The following ABR variants were observed in gnomAD, a reference collection of about 807,000 sequenced individuals.
ABR encodes active breakpoint cluster region-related protein.
Under a neutral mutation model 107.2 loss-of-function variants are expected in ABR, and 35 were observed. The observed-to-expected ratio is 0.33, with a 90% CI of 0.25 to 0.43. The LOEUF (loss-of-function observed/expected upper bound fraction) is 0.43. Ranked by LOEUF, ABR falls within the 20% of genes least tolerant of loss-of-function variation. The pLI is 1.00. For synonymous variants in ABR, 498 were observed against 462.0 expected (o/e 1.08, Z -1.00); for missense variants, 815 against 1,115.2 (o/e 0.73, Z 3.83).
rs1259586571 is a variant in ABR, at chr17:1,092,361, AGG to A, written c.346-513_346-512del. ...GTTCCAAGTTCCCGTCACTTGGCAC[AGG>A]GAGAGGCATGGGCGTTCACGTGTCC... On this transcript the variant is annotated intron_variant, in intron 3 of 22. Transcript: ENST00000302538. The surrounding 1 kb of genome is among the most constrained non-coding windows in gnomAD (Gnocchi z 4.6). Among the ~76,000 whole-genome samples, 2 of 143,840 alleles carry A rather than the reference AGG, an allele frequency of 1.4e-5. No individual in the cohort carries two copies. Among genetic ancestry groups the A allele is most frequent in the Admixed American group, 1.3e-4 (2 of 14,896 alleles). The allele number at this position is 143,840 out of a possible 152,430, so 94.4% of individuals were successfully genotyped here.
At chr17:1,080,657 G>C (rs992066267) in intron 5 of ABR, among the ~76,000 whole-genome samples, 1 of 151,536 alleles carries the variant, frequency 6.6e-6, no homozygotes, top group South Asian at 2.1e-4. Flanking sequence ...TGGTCTGCAG[G>C]GGAGGAAGCG....
chr17:1,021,079 GC>G, intron 16 of ABR, among the ~76,000 whole-genome samples: 1 of 152,092 alleles, frequency 6.6e-6, no homozygotes, highest in African/African-American at 2.4e-5. Flanking sequence ...CTCACCCAGG[GC>G]CCTTTAATCC....
intron 1 of ABR, among the ~76,000 whole-genome samples, chr17:1,223,304 AACAC>A (rs56226163): frequency 2.3e-3 from 347 of 149,238 alleles, no homozygotes; most frequent in Non-Finnish European, 4.1e-3. Context: ...AATCAGTAAC[AACAC>A]ACACACACAC....
chr17:1,111,560 C>T (rs2258352), intron 2 of ABR, among the ~76,000 whole-genome samples: 1 of 152,188 alleles, frequency 6.6e-6, no homozygotes, highest in African/African-American at 2.4e-5. Flanking sequence ...AAAGGCCCCC[C>T]CAAACGGTTT....
rs904574901 is a variant in ABR, at chr17:1,078,479, T to C, written c.700+851A>G. Among the ~76,000 whole-genome samples the C allele has an allele frequency of 6.6e-6, 1 of 152,066 alleles. No individual in the cohort carries two copies. Among genetic ancestry groups the C allele is most frequent in the African/African-American group, 2.4e-5 (1 of 41,404 alleles). On this transcript the variant is annotated intron_variant, in intron 6 of 22. Coordinates refer to ENST00000302538, the MANE Select transcript of ABR (RefSeq NM_021962.5). The surrounding 1 kb of genome is among the most constrained non-coding windows in gnomAD (Gnocchi z 7.5). ...CAGACCCTCTCCCTGGCCTCAGGGC[T>C]ACTACGTCTGCGGGCACAGCTCGTC...
At chr17:1,181,578 G>A (rs1377782012), upstream of ABR, among the ~76,000 whole-genome samples, 3 of 152,210 alleles carry the variant, frequency 2.0e-5, no homozygotes, top group African/African-American at 7.2e-5. Context: ...CAGGCACCTG[G>A]AGCTTGGCAG....
rs1212783410 is a variant in ABR, at chr17:1,031,278, T to G, written c.1792-18114A>C. On this transcript the variant is annotated intron_variant, in intron 16 of 22. Transcript: ENST00000302538. ...AGAGGCTGAACAGGGCGGCAAGACA[T>G]AGACCCAGAGGCAGGCGTCTCCCCG... Among the ~76,000 whole-genome samples the G allele has an allele frequency of 3.3e-5, 5 of 152,088 alleles. No individual in the cohort carries two copies. In the East Asian group the frequency reaches 7.7e-4, roughly 24 times the overall value.
chr17:1,160,200 G>A (rs1459207950), intron 1 of ABR, among the ~76,000 whole-genome samples: 2 of 151,924 alleles, frequency 1.3e-5, no homozygotes, highest in Non-Finnish European at 2.9e-5. Context: ...GCTGCAGTGA[G>A]CTGAGATTAC....
At chr17:1,223,326 C>G (rs1227001795) in intron 1 of ABR, among the ~76,000 whole-genome samples, 6 of 151,114 alleles carry the variant, frequency 4.0e-5, no homozygotes, top group Non-Finnish European at 5.9e-5. Context: ...CACACACACA[C>G]AGAGACACGA....
At chr17:1,031,872 G>T (rs1376330200) in intron 16 of ABR, 16 of 830,494 alleles carry the variant, frequency 1.9e-5, no homozygotes, top group Non-Finnish European at 2.3e-5. Flanking sequence ...CTCCCTCCCC[G>T]CGCTCCCCTC....
intron 16 of ABR, among the ~76,000 whole-genome samples, chr17:1,042,441 A>G (rs980851763): frequency 2.1e-4 from 32 of 151,678 alleles, no homozygotes; most frequent in African/African-American, 7.7e-4. Flanking sequence ...CCACAGATGG[A>G]CAGGCGGATA....
chr17:1,031,658 G>A (rs9903778), intron 16 of ABR: 189,406 of 1,256,942 alleles, frequency 0.15, 15,155 homozygotes, highest in Middle Eastern at 0.18. Context: ...TGTTGGGGGG[G>A]CGCTTGCTCC....
chr17:1,191,032 G>A (rs1250392919), upstream of ABR, among the ~76,000 whole-genome samples: 1 of 152,180 alleles, frequency 6.6e-6, no homozygotes, highest in Non-Finnish European at 1.5e-5. Context: ...GATTGCGCTG[G>A]GCCATGGTAA....
At chr17:1,137,027 CTTT>C (rs2040099087) in intron 1 of ABR, among the ~76,000 whole-genome samples, 1 of 128,616 alleles carries the variant, frequency 7.8e-6, no homozygotes, top group African/African-American at 2.8e-5. Context: ...CTCTCTCTCT[CTTT>C]CTCTCTTCCT....
Position 1,217,453 on chromosome 17 carries a change from G to A in ABR, c.838+11340C>T, listed in dbSNP as rs575089620. ...GGATAATCATAAAATTAACCAACAC[G>A]TACTGAGTGGTTACCATGTGTCAGG... is the stretch of plus-strand genomic sequence containing the variant. On this transcript the variant is annotated intron_variant, in intron 1 of 22. Transcript: ENST00000574139. Among the ~76,000 whole-genome samples the A allele has an allele frequency of 1.1e-3, 168 of 152,254 alleles. 1 individual carries two copies. The Middle Eastern group carries it at 0.017, about 15-fold the overall frequency.
chr17:1,013,247 G>T, intron 16 of ABR, 83 bp from the exon 17 acceptor site: 1 of 1,319,528 alleles, frequency 7.6e-7, no homozygotes, highest in Non-Finnish European at 1.1e-6. Flanking sequence ...ACTGCTCAGA[G>T]CCAGCTACAC....
chr17:1,056,986 TC>T lies in ABR; in HGVS notation c.1486+11del. 1.9e-6 allele frequency: 3 copies of T among 1,595,490 alleles called. No individual in the cohort carries two copies. The highest frequency in any genetic ancestry group is 2.6e-6 in the Non-Finnish European group (3 of 1,164,458). On this transcript the variant is annotated intron_variant, in intron 13 of 22. Coordinates refer to ENST00000302538, the MANE Select transcript of ABR (RefSeq NM_021962.5). ...ACCTGCCGGTTGGGCCACCTCTGGT[TC>T]CCGAGCTTACCGTCTTTATTGCTGG...
rs990769978 is a variant in ABR, at chr17:1,195,753, G to A, written c.838+33040C>T. Among the ~76,000 whole-genome samples, 33 of 148,364 alleles carry A rather than the reference G, an allele frequency of 2.2e-4. 1 individual carries two copies. Among genetic ancestry groups the A allele is most frequent in the African/African-American group, 7.9e-4 (31 of 39,388 alleles). ...CGGGAGGCAAAGGTTGCAGTGAGCC[G>A]AGATCGTGTCACTGCACTCCAGCCT... On this transcript the variant is annotated intron_variant, in intron 1 of 22. Transcript: ENST00000574139.
intron 16 of ABR, among the ~76,000 whole-genome samples, chr17:1,042,387 C>G (rs75671074): frequency 6.6e-6 from 1 of 151,580 alleles, no homozygotes; most frequent in Non-Finnish European, 1.5e-5. Flanking sequence ...AGACGTGGCA[C>G]CTACATCCAC....
Sources: allele counts gnomAD v4.1 joint callset (sites outside exome capture counted in the v4.1 genomes callset), GRCh38; gene constraint gnomAD v4.1.1; non-coding constraint Gnocchi (gnomAD v3.1); transcripts MANE v1.5; gene names NCBI Gene and HGNC (gene_info 2026-07-23, HGNC 2026-07-21).